Variants in EFCAB3 observed in about 807,000 individuals in gnomAD.
EFCAB3 encodes EF-hand calcium-binding domain-containing protein 3.
In EFCAB3, 36 loss-of-function variants were observed where a neutral mutation model predicts 42.2. The ratio of observed to expected loss-of-function variants is 0.85; its 90% CI spans 0.65 to 1.13. The LOEUF is 1.13. Ranked by LOEUF, EFCAB3 falls within the 50% of genes most tolerant of loss-of-function variation. The pLI, the probability that EFCAB3 is intolerant of heterozygous loss-of-function variation, is 0.00. For missense variants in EFCAB3, 418 were observed against 505.1 expected (o/e 0.83, Z 1.65); for synonymous variants, 170 against 172.8 (o/e 0.98, Z 0.13).
At chr17:62,384,225 T>C (rs547432695) in intron 2 of EFCAB3, among the ~76,000 whole-genome samples, 1 of 152,360 alleles carries the variant, frequency 6.6e-6, no homozygotes, top group Non-Finnish European at 1.5e-5. Context: ...TCATTCCAAA[T>C]GTAAGGTTCT....
At chr17:62,412,569 A>G (rs930073350) in intron 8 of EFCAB3, among the ~76,000 whole-genome samples, 1 of 151,712 alleles carries the variant, frequency 6.6e-6, no homozygotes, top group African/African-American at 2.4e-5. Flanking sequence ...GGCTCAAGCA[A>G]TCCTCCCACT....
intron 6 of EFCAB3, among the ~76,000 whole-genome samples, chr17:62,403,743 A>T (rs972832925): frequency 1.3e-5 from 2 of 151,958 alleles, no homozygotes. Flanking sequence ...TACCTCCCAA[A>T]CTCAAGCAAT....
At chr17:62,376,457 C>T (rs1162895011), upstream of EFCAB3, among the ~76,000 whole-genome samples, 1 of 152,144 alleles carries the variant, frequency 6.6e-6, no homozygotes, top group Non-Finnish European at 1.5e-5. Context: ...GAGCGAGACT[C>T]TGCCTAAAAA....
intron 8 of EFCAB3, among the ~76,000 whole-genome samples, chr17:62,407,806 AG>A (rs1173722122): frequency 1.3e-5 from 2 of 152,192 alleles, no homozygotes; most frequent in Non-Finnish European, 2.9e-5. Flanking sequence ...GCCTCACCCC[AG>A]GTAAGGCCTC....
chr17:62,413,873 G>C lies in EFCAB3; in HGVS notation c.990+19G>C. The C allele has an allele frequency of 6.2e-7, 1 of 1,600,348 alleles. No individual in the cohort carries two copies. ...ACAACATGTGAGTATTCCTTGTTGA[G>C]TTCCTTCCCAGAAATCACTGACAAA... On this transcript the variant is annotated intron_variant, in intron 9 of 9. Transcript: ENST00000305286.
chr17:62,381,773 C>A, intron 1 of EFCAB3: 1 of 406,196 alleles, frequency 2.5e-6, no homozygotes, highest in Non-Finnish European at 4.9e-6. Context: ...TCGAGGCGGA[C>A]GACGACCGGC....
chr17:62,402,346 G>C (rs554759810), intron 6 of EFCAB3, among the ~76,000 whole-genome samples: 25 of 152,298 alleles, frequency 1.6e-4, no homozygotes, highest in African/African-American at 5.3e-4. Context: ...ATTGGTGAGA[G>C]AGGGCATCCC....
At chr17:62,397,606 C>A in intron 6 of EFCAB3, 1 of 606,954 alleles carries the variant, frequency 1.6e-6, no homozygotes, top group Non-Finnish European at 3.2e-6. Context: ...ATTCTGCCAT[C>A]AGGAAGTGTG....
intron 1 of EFCAB3, chr17:62,381,841 G>A (rs1184435160): frequency 1.6e-5 from 7 of 436,588 alleles, no homozygotes; most frequent in South Asian, 3.6e-5. Context: ...ATTGCCCAGG[G>A]TATTGGCAAG....
intron 6 of EFCAB3, among the ~76,000 whole-genome samples, chr17:62,399,318 C>T: frequency 6.6e-6 from 1 of 151,916 alleles, no homozygotes; most frequent in East Asian, 1.9e-4. Flanking sequence ...CAGGTGTGCA[C>T]CATCACACCT....
chr17:62,376,086 T>G (rs1318555014), upstream of EFCAB3, among the ~76,000 whole-genome samples: 1 of 152,196 alleles, frequency 6.6e-6, no homozygotes, highest in Non-Finnish European at 1.5e-5. Context: ...AAAGAAAATT[T>G]AGATGTTTTA....
chr17:62,394,449 C>T (rs2070332082), intron 5 of EFCAB3, among the ~76,000 whole-genome samples: 1 of 152,194 alleles, frequency 6.6e-6, no homozygotes, highest in African/African-American at 2.4e-5. Flanking sequence ...GCTGGAGAGT[C>T]TGCTGGAGGT....
chr17:62,397,665 C>T, intron 6 of EFCAB3: 2 of 590,042 alleles, frequency 3.4e-6, no homozygotes, highest in Non-Finnish European at 6.6e-6. Flanking sequence ...GCCTTTGTAC[C>T]CAATGGTGGT....
intron 1 of EFCAB3, among the ~76,000 whole-genome samples, chr17:62,373,577 C>T (rs1331528679): frequency 2.6e-5 from 4 of 151,620 alleles, no homozygotes; most frequent in Admixed American, 6.6e-5. Context: ...GCCATAATCA[C>T]GCCATGCACT....
intron 9 of EFCAB3, among the ~76,000 whole-genome samples, chr17:62,414,791 G>A (rs1307373367): frequency 6.6e-6 from 1 of 152,002 alleles, no homozygotes; most frequent in African/African-American, 2.4e-5. Context: ...CCCAGGTCTG[G>A]CTGATTGTCA....
At chr17:62,397,501 C>G in intron 6 of EFCAB3, 1 of 568,616 alleles carries the variant, frequency 1.8e-6, no homozygotes, top group East Asian at 4.5e-5. Flanking sequence ...TGGGCACAGC[C>G]CTGAAGGCCA....
chr17:62,375,455 T>G (rs1201124842), intron 2 of EFCAB3, among the ~76,000 whole-genome samples: 4 of 152,182 alleles, frequency 2.6e-5, no homozygotes, highest in Admixed American at 2.6e-4. Flanking sequence ...CCAATAAGTA[T>G]TTTTTGAGCA....
chr17:62,399,850 A>G (rs1228686722), intron 6 of EFCAB3, among the ~76,000 whole-genome samples: 1 of 152,086 alleles, frequency 6.6e-6, no homozygotes, highest in Non-Finnish European at 1.5e-5. Flanking sequence ...TTACTTATTT[A>G]TTTTATTATC....
upstream of EFCAB3, chr17:62,380,516 A>T (rs1167510735): frequency 1.0e-6 from 1 of 978,144 alleles, no homozygotes; most frequent in Non-Finnish European, 1.2e-6. Flanking sequence ...GAGCCTGAGC[A>T]GTGAATGAGG....
Sources: allele counts gnomAD v4.1 joint callset (sites outside exome capture counted in the v4.1 genomes callset), GRCh38; gene constraint gnomAD v4.1.1; transcripts MANE v1.5; gene names NCBI Gene and HGNC (gene_info 2026-07-23, HGNC 2026-07-21).